DLG2: variants seen among roughly 807,000 people sequenced by gnomAD.
The protein encoded by DLG2 is disks large homolog 2.
DLG2 carries 45 observed loss-of-function variants against 132.5 expected under a neutral mutation model. The ratio of observed to expected loss-of-function variants is 0.34; its 90% CI spans 0.27 to 0.44. The LOEUF (loss-of-function observed/expected upper bound fraction) is 0.44. DLG2 is among the 20% of genes least tolerant of loss of function. The pLI is 1.00. For synonymous variants in DLG2, 424 were observed against 419.6 expected, an observed-to-expected ratio of 1.01 and a Z score of -0.13; for missense variants, 1,045 against 1,196.9, an observed-to-expected ratio of 0.87 and a Z score of 1.87.
At chr11:84,276,362 T>G (rs2097783240) in intron 7 of DLG2, among the ~76,000 whole-genome samples, 1 of 152,214 alleles carries the variant, frequency 6.6e-6, no homozygotes, top group Non-Finnish European at 1.5e-5. Flanking sequence ...AGTTCTAAAC[T>G]TCCTACTTTC....
intron 6 of DLG2, among the ~76,000 whole-genome samples, chr11:84,690,082 G>T (rs2057840926): frequency 6.6e-6 from 1 of 151,710 alleles, no homozygotes; most frequent in African/African-American, 2.4e-5. Context: ...AGAATAGAAA[G>T]GTAGTTACCA....
intron 3 of DLG2, among the ~76,000 whole-genome samples, chr11:85,343,123 C>T (rs2082608903): frequency 2.0e-5 from 3 of 152,166 alleles, no homozygotes; most frequent in African/African-American, 2.4e-5. Flanking sequence ...CTAACTGTCT[C>T]AAAAATGTCA....
intron 22 of DLG2, 37 bp downstream of exon 22, chr11:83,484,092 A>G: frequency 6.4e-7 from 1 of 1,562,318 alleles, no homozygotes; most frequent in Non-Finnish European, 8.8e-7. Flanking sequence ...TTTTTCTCTT[A>G]TGTTGCATGT....
chr11:84,879,304 T>G (rs1311836455), intron 6 of DLG2, among the ~76,000 whole-genome samples: 1 of 152,162 alleles, frequency 6.6e-6, no homozygotes, highest in Non-Finnish European at 1.5e-5. Context: ...ACCAAATATT[T>G]ATTGAGTGCC....
At chr11:84,422,737 T>C (rs2098954867) in intron 7 of DLG2, among the ~76,000 whole-genome samples, 1 of 152,300 alleles carries the variant, frequency 6.6e-6, no homozygotes, top group South Asian at 2.1e-4. Context: ...TTACTAGTTA[T>C]ATTACAATAC....
At chr11:85,613,306 T>C (rs2081128417) in intron 2 of DLG2, among the ~76,000 whole-genome samples, 1 of 152,150 alleles carries the variant, frequency 6.6e-6, no homozygotes, top group African/African-American at 2.4e-5. Flanking sequence ...TGAGGACCCC[T>C]GGACTGACCC....
At chr11:84,271,882 G>A (rs1250537239) in intron 7 of DLG2, among the ~76,000 whole-genome samples, 1 of 148,918 alleles carries the variant, frequency 6.7e-6, no homozygotes, top group Non-Finnish European at 1.5e-5. Context: ...ACCCTGCCTG[G>A]CAAGGGATGG....
At chr11:83,879,843 A>G (rs1358725908) in intron 15 of DLG2, among the ~76,000 whole-genome samples, 1 of 152,222 alleles carries the variant, frequency 6.6e-6, no homozygotes, top group East Asian at 1.9e-4. Context: ...GAATGATGAA[A>G]GCAAATAAAT....
chr11:84,416,122 C>T (rs1410003100), intron 7 of DLG2, among the ~76,000 whole-genome samples: 1 of 152,122 alleles, frequency 6.6e-6, no homozygotes, highest in Non-Finnish European at 1.5e-5. Context: ...TTTTGTGCTC[C>T]AGCCTTGATA....
At chr11:84,394,620 C>T (rs1333695393) in intron 7 of DLG2, among the ~76,000 whole-genome samples, 1 of 151,874 alleles carries the variant, frequency 6.6e-6, no homozygotes, top group Non-Finnish European at 1.5e-5. Flanking sequence ...CTCTTGCCTA[C>T]TTACTTTTTC....
At chr11:84,050,611 G>A (rs374529892) in intron 11 of DLG2, among the ~76,000 whole-genome samples, 3 of 152,052 alleles carry the variant, frequency 2.0e-5, no homozygotes, top group African/African-American at 7.2e-5. Context: ...TGTCCTGAAT[G>A]GTATTGCCTA....
chr11:85,490,282 A>C (rs1307448253), intron 3 of DLG2, among the ~76,000 whole-genome samples: 1 of 152,156 alleles, frequency 6.6e-6, no homozygotes, highest in Non-Finnish European at 1.5e-5. Flanking sequence ...TAATGCTAAC[A>C]GGGAAGTTAG....
chr11:84,640,441 A>T, intron 6 of DLG2: 1 of 473,764 alleles, frequency 2.1e-6, no homozygotes, highest in South Asian at 2.1e-5. Flanking sequence ...AACAACATTG[A>T]GCTTATTTCA....
At chr11:84,725,857 G>T (rs554372607) in intron 6 of DLG2, among the ~76,000 whole-genome samples, 9 of 151,478 alleles carry the variant, frequency 5.9e-5, no homozygotes, top group South Asian at 4.2e-4. Flanking sequence ...TTTTTTTAAT[G>T]AAAGTTAACA....
Position 83,921,701 on chromosome 11 carries a change from T to C in DLG2, c.1496+8627A>G, listed in dbSNP as rs558266377. Among the ~76,000 whole-genome samples the C allele has an allele frequency of 7.9e-5, 12 of 152,306 alleles. No individual in the cohort carries two copies. In the South Asian group the frequency reaches 1.0e-3, roughly 13 times the overall value. Reference sequence around the variant, plus strand: ...CTTCACAAAGGAATGCTTTTGAAGCTGTGCTTATTCTCTGTTTTCTTATTG... The same window carrying C: ...CTTCACAAAGGAATGCTTTTGAAGCCGTGCTTATTCTCTGTTTTCTTATTG... On this transcript the variant is annotated intron_variant, in intron 15 of 27. Transcript: ENST00000376104.
intron 7 of DLG2, among the ~76,000 whole-genome samples, chr11:84,372,852 C>CT (rs2098711700): frequency 6.6e-6 from 1 of 152,108 alleles, no homozygotes; most frequent in Non-Finnish European, 1.5e-5. Flanking sequence ...TAGTTCCCAT[C>CT]TAAGTTTGTG....
chr11:85,583,128 G>GTATATATATATATATATA (rs1288807092), intron 3 of DLG2, among the ~76,000 whole-genome samples: 1 of 27,420 alleles, frequency 3.6e-5, no homozygotes, highest in African/African-American at 1.1e-4. Flanking sequence ...GTGTGTGTGT[G>GTATATATATATATATATA]TGTATATATA....
At chr11:85,002,773 C>T (rs1303798071) in intron 6 of DLG2, among the ~76,000 whole-genome samples, 2 of 151,944 alleles carry the variant, frequency 1.3e-5, no homozygotes, top group Non-Finnish European at 2.9e-5. Flanking sequence ...TCCTGCCTCC[C>T]CTTTCACCTC....
chr11:84,678,785 A>C (rs561753198), intron 6 of DLG2, among the ~76,000 whole-genome samples: 2 of 152,186 alleles, frequency 1.3e-5, no homozygotes, highest in South Asian at 2.1e-4. Context: ...TTTGAACTAG[A>C]AATGAACAGA....
Sources: allele counts gnomAD v4.1 joint callset (sites outside exome capture counted in the v4.1 genomes callset), GRCh38; gene constraint gnomAD v4.1.1; transcripts MANE v1.5; gene names NCBI Gene and HGNC (gene_info 2026-07-23, HGNC 2026-07-21).